The following DNAAF10 variants were observed in gnomAD, a reference collection of about 807,000 sequenced individuals.
The protein encoded by DNAAF10 is WD repeat domain 92.
Under a neutral mutation model 43.7 loss-of-function variants are expected in DNAAF10, and 28 were observed. That is an observed-to-expected ratio of 0.64 (90% CI 0.48 to 0.88). The LOEUF is 0.88. Ranked by LOEUF, DNAAF10 falls within the 40% of genes least tolerant of loss-of-function variation. The probability of loss-of-function intolerance (pLI) is 0.00; values close to 1 mark genes in which losing one functional copy is unlikely to be tolerated. For synonymous variants in DNAAF10, 156 were observed against 157.3 expected (o/e 0.99, Z 0.06); for missense variants, 403 against 439.1 (o/e 0.92, Z 0.73).
Position 68,131,687 on chromosome 2 carries a change from C to G in DNAAF10, c.867-242G>C, listed in dbSNP as rs1043362966. 5.3e-5 allele frequency: 24 copies of G among 454,546 alleles called. 1 individual carries two copies. Among genetic ancestry groups the G allele is most frequent in the South Asian group, 1.6e-4 (6 of 38,640 alleles). The allele number at this position is 454,546 out of a possible 1,614,324, so 28.2% of individuals were successfully genotyped here. ...TAAAAACTTCTAAAAGTCATTTCTGCTCAACGTGTATCTGTATTTTCTCTT... is the reference window on the plus strand; with the variant it reads ...TAAAAACTTCTAAAAGTCATTTCTGGTCAACGTGTATCTGTATTTTCTCTT... On this transcript the variant is annotated intron_variant, in intron 7 of 7. Coordinates refer to ENST00000295121, the MANE Select transcript of DNAAF10 (RefSeq NM_138458.4).
intron 1 of DNAAF10, among the ~76,000 whole-genome samples, chr2:68,153,506 G>A (rs959482560): frequency 3.3e-5 from 5 of 151,826 alleles, no homozygotes; most frequent in Admixed American, 2.6e-4. Flanking sequence ...ATCACCTTGC[G>A]GAAGTTTAAA....
At chr2:68,133,914 T>C (rs528076340) in intron 7 of DNAAF10, among the ~76,000 whole-genome samples, 19 of 152,296 alleles carry the variant, frequency 1.2e-4, no homozygotes, top group African/African-American at 4.6e-4. Context: ...GTCCCAGATA[T>C]ATTGAGGATG....
chr2:68,147,438 C>T lies in DNAAF10; in HGVS notation c.284+29G>A, dbSNP rs775983795. 9.1e-6 allele frequency: 14 copies of T among 1,533,516 alleles called. No individual in the cohort carries two copies. In the Admixed American group the frequency reaches 2.3e-4, roughly 25 times the overall value. The allele number at this position is 1,533,516 out of a possible 1,614,324, so 95.0% of individuals were successfully genotyped here. A position where few individuals can be genotyped will look rare whatever the true frequency, so the allele number is the denominator to read the frequency against. ...CTATCAAATAAATTGCCTATCTCAT[C>T]TGTCTGAATACTGACTAAATCATCT... On this transcript the variant is annotated intron_variant, in intron 2 of 7. Coordinates refer to ENST00000295121, the MANE Select transcript of DNAAF10 (RefSeq NM_138458.4).
intron 1 of DNAAF10, among the ~76,000 whole-genome samples, chr2:68,150,642 A>G (rs1671568196): frequency 6.6e-6 from 1 of 152,202 alleles, no homozygotes; most frequent in South Asian, 2.1e-4. Flanking sequence ...CTGAGGCAGG[A>G]GAACTGCTTG....
chr2:68,148,357 T>C (rs1348593493), intron 1 of DNAAF10, among the ~76,000 whole-genome samples: 1 of 152,172 alleles, frequency 6.6e-6, no homozygotes, highest in Non-Finnish European at 1.5e-5. Context: ...GTCACTGAAG[T>C]AGGCAAAAGA....
At chr2:68,131,573 TCTAATA>T (rs1486962352) in intron 7 of DNAAF10, 128 bp from the exon 8 acceptor site, 10 of 869,748 alleles carry the variant, frequency 1.1e-5, no homozygotes, top group East Asian at 2.7e-5. Flanking sequence ...AAAGAATCTT[TCTAATA>T]CTGAGTTGTT....
chr2:68,130,115 G>GAGAGAGATATATATATATATATATAT lies in DNAAF10; in HGVS notation c.*1122_*1123insATATATATATATATATATATCTCTCT, dbSNP rs1453152500. ...CAACCGTGCCGTTTTGAGAGAGAGA[G>GAGAGAGATATATATATATATATATAT]ATATATATATATATATTTGTTTTTT... On this transcript the variant is annotated 3_prime_UTR_variant, in exon 8 of 8. Transcript: ENST00000295121. 5.9e-3 allele frequency: 784 copies of GAGAGAGATATATATATATATATATAT among 132,658 alleles called. 11 individuals are homozygous for GAGAGAGATATATATATATATATATAT. Among genetic ancestry groups the GAGAGAGATATATATATATATATATAT allele is most frequent in the African/African-American group, 0.022 (751 of 34,030 alleles). 8.2% of individuals were successfully genotyped at this position (132,658 alleles called of 1,614,324 possible).
chr2:68,153,168 T>C (rs1372463674), intron 1 of DNAAF10, among the ~76,000 whole-genome samples: 1 of 152,024 alleles, frequency 6.6e-6, no homozygotes, highest in African/African-American at 2.4e-5. Flanking sequence ...CCAGACACCT[T>C]TGTGTGGTGC....
intron 1 of DNAAF10, chr2:68,157,059 G>A: frequency 2.7e-6 from 2 of 738,656 alleles, no homozygotes; most frequent in Non-Finnish European, 4.3e-6. Flanking sequence ...AGGACGGTTG[G>A]GCGCGGAGGA....
chr2:68,137,003 C>A (rs551017287), intron 6 of DNAAF10, among the ~76,000 whole-genome samples: 2 of 152,048 alleles, frequency 1.3e-5, no homozygotes, highest in Non-Finnish European at 2.9e-5. Context: ...TTAGGAAACA[C>A]CAGGCTGGGT....
intron 4 of DNAAF10, 58 bp from the exon 5 acceptor site, chr2:68,138,915 T>A: frequency 4.1e-6 from 5 of 1,233,602 alleles, no homozygotes; most frequent in Non-Finnish European, 4.7e-6. Flanking sequence ...TAAAGGCTGC[T>A]TTAAAAAAGT....
At chr2:68,133,125 G>C (rs993063154) in intron 7 of DNAAF10, among the ~76,000 whole-genome samples, 1 of 152,204 alleles carries the variant, frequency 6.6e-6, no homozygotes, top group Non-Finnish European at 1.5e-5. Flanking sequence ...AGAGGTGCTA[G>C]AAGAAGGGAA....
chr2:68,156,901 A>C, intron 1 of DNAAF10: 1 of 273,186 alleles, frequency 3.7e-6, no homozygotes, highest in South Asian at 6.1e-5. Flanking sequence ...ACTAGAAAAT[A>C]AACTCCATGA....
Position 68,130,107 on chromosome 2 carries a change from G to GATATATATATATATATATATATAT in DNAAF10, c.*1130_*1131insATATATATATATATATATATATAT, listed in dbSNP as rs70949671. On this transcript the variant is annotated 3_prime_UTR_variant, in exon 8 of 8. Transcript: ENST00000295121. ...ATCTAGACCAACCGTGCCGTTTTGA[G>GATATATATATATATATATATATAT]AGAGAGAGATATATATATATATATT... The GATATATATATATATATATATATAT allele has an allele frequency of 5.2e-4, 63 of 120,346 alleles. 1 individual carries two copies. The highest frequency in any genetic ancestry group is 1.8e-3 in the African/African-American group (44 of 23,928). 7.5% of individuals were successfully genotyped at this position (120,346 alleles called of 1,614,324 possible).
chr2:68,144,384 A>C (rs1343014996), intron 3 of DNAAF10, among the ~76,000 whole-genome samples: 1 of 152,212 alleles, frequency 6.6e-6, no homozygotes, highest in Admixed American at 6.5e-5. Context: ...AAGTGCTATG[A>C]ATCTATCTCA....
intron 5 of DNAAF10, among the ~76,000 whole-genome samples, chr2:68,138,527 G>T (rs910253528): frequency 6.6e-6 from 1 of 152,162 alleles, no homozygotes. Flanking sequence ...CTCCCCCAAC[G>T]CTGTGCAAAC....
chr2:68,134,772 G>A lies in DNAAF10; in HGVS notation c.796C>T (p.Arg266Ter), dbSNP rs779059321. 9.9e-6 allele frequency: 16 copies of A among 1,611,690 alleles called. No homozygotes were observed. Among genetic ancestry groups the A allele is most frequent in the East Asian group, 6.7e-5 (3 of 44,804 alleles). Residue 266 changes from arginine to a stop codon, truncating the protein, a stop_gained, in exon 7 of 8, where the codon CGA becomes TGA. Coordinates refer to ENST00000295121, the MANE Select transcript of DNAAF10 (RefSeq NM_138458.4). LOFTEE classifies it high-confidence loss of function. Reference sequence around the variant, plus strand: ...AGCTCCCTGTTCTGCGGCAGGTGTCGGACCTGCCACACAGTAGATTTATGA... The same window carrying A: ...AGCTCCCTGTTCTGCGGCAGGTGTCAGACCTGCCACACAGTAGATTTATGA... ...KAHKSTVWQV[R>*]HLPQNRELFL...
At chr2:68,131,694 T>C in intron 7 of DNAAF10, 2 of 422,624 alleles carry the variant, frequency 4.7e-6, no homozygotes, top group Non-Finnish European at 8.7e-6. Flanking sequence ...CTGCTCAACG[T>C]GTATCTGTAT....
At chr2:68,150,744 T>C in intron 1 of DNAAF10, among the ~76,000 whole-genome samples, 2 of 150,640 alleles carry the variant, frequency 1.3e-5, no homozygotes, top group Middle Eastern at 6.8e-3. Context: ...AAAAATAAAA[T>C]AAAATAAAAA....
Sources: allele counts gnomAD v4.1 joint callset (sites outside exome capture counted in the v4.1 genomes callset), GRCh38; gene constraint gnomAD v4.1.1; transcripts MANE v1.5; gene names NCBI Gene and HGNC (gene_info 2026-07-23, HGNC 2026-07-21).